The following PHKB variants were observed in gnomAD, a reference collection of about 807,000 sequenced individuals.
PHKB encodes phosphorylase b kinase regulatory subunit beta.
PHKB carries 122 observed loss-of-function variants against 152.1 expected under a neutral mutation model. The ratio of observed to expected loss-of-function variants is 0.80; its 90% CI spans 0.69 to 0.93. PHKB has a LOEUF of 0.93. Ranked by LOEUF, PHKB falls within the 40% of genes least tolerant of loss-of-function variation. PHKB has a pLI of 0.00. For missense variants in PHKB, 1,304 were observed against 1,328.4 expected (o/e 0.98, Z 0.29); for synonymous variants, 436 against 464.9 (o/e 0.94, Z 0.80).
At chr16:47,573,771 T>C (rs1971702999) in intron 7 of PHKB, among the ~76,000 whole-genome samples, 1 of 152,208 alleles carries the variant, frequency 6.6e-6, no homozygotes, top group Admixed American at 6.5e-5. Context: ...ATACCCACAG[T>C]AGATTAGATT....
intron 7 of PHKB, among the ~76,000 whole-genome samples, chr16:47,570,385 T>C (rs1052776628): frequency 3.9e-5 from 6 of 152,248 alleles, no homozygotes; most frequent in African/African-American, 7.2e-5. Flanking sequence ...TTCTAAACTT[T>C]TTGCTTTTTC....
At chr16:47,622,693 T>C (rs1428752331) in intron 14 of PHKB, among the ~76,000 whole-genome samples, 1 of 152,204 alleles carries the variant, frequency 6.6e-6, no homozygotes, top group East Asian at 1.9e-4. Context: ...ACTTTGACAG[T>C]CTTTGGAGAA....
At chr16:47,539,064 T>C (rs1971003755) in intron 6 of PHKB, among the ~76,000 whole-genome samples, 2 of 152,188 alleles carry the variant, frequency 1.3e-5, no homozygotes, top group African/African-American at 4.8e-5. Flanking sequence ...GTAGCCCACA[T>C]AAGAAATTGT....
chr16:47,659,633 G>C (rs935439028), intron 20 of PHKB, among the ~76,000 whole-genome samples: 1 of 152,010 alleles, frequency 6.6e-6, no homozygotes, highest in African/African-American at 2.4e-5. Flanking sequence ...GAAACTTATG[G>C]AAAATAAAAT....
intron 1 of PHKB, among the ~76,000 whole-genome samples, chr16:47,494,233 A>G (rs1970196491): frequency 6.6e-6 from 1 of 152,184 alleles, no homozygotes; most frequent in Admixed American, 6.5e-5. Flanking sequence ...CGAAAATGTG[A>G]TTCATTATAG....
intron 7 of PHKB, among the ~76,000 whole-genome samples, chr16:47,576,522 T>C (rs1326679152): frequency 1.3e-5 from 2 of 152,210 alleles, no homozygotes; most frequent in Non-Finnish European, 2.9e-5. Flanking sequence ...TGGTTTTCTG[T>C]CTAGTTGTTC....
chr16:47,509,509 A>G (rs1267434210), intron 4 of PHKB, among the ~76,000 whole-genome samples: 1 of 152,200 alleles, frequency 6.6e-6, no homozygotes, highest in Non-Finnish European at 1.5e-5. Flanking sequence ...AGAACTTTTT[A>G]TGAGCATACA....
chr16:47,641,765 GACA>G (rs1973027348), intron 16 of PHKB, 73 bp downstream of exon 16: 3 of 832,054 alleles, frequency 3.6e-6, no homozygotes, highest in Non-Finnish European at 6.4e-6. Flanking sequence ...TTAGTTTACA[GACA>G]AGTCACACAG....
At chr16:47,595,671 A>G (rs1031710015) in intron 12 of PHKB, among the ~76,000 whole-genome samples, 2 of 152,196 alleles carry the variant, frequency 1.3e-5, no homozygotes, top group Admixed American at 1.3e-4. Context: ...GAATAATCCT[A>G]TTAAAAATAG....
intron 8 of PHKB, among the ~76,000 whole-genome samples, chr16:47,581,266 C>T (rs1239040728): frequency 6.6e-6 from 1 of 152,174 alleles, no homozygotes; most frequent in African/African-American, 2.4e-5. Flanking sequence ...CCTCTCTTCT[C>T]CTTCTTACGT....
intron 7 of PHKB, chr16:47,566,894 G>T: frequency 1.5e-6 from 1 of 666,246 alleles, no homozygotes; most frequent in Non-Finnish European, 2.8e-6. Flanking sequence ...CTTAGTTCTT[G>T]AAGGTCAATA....
chr16:47,684,253 A>T (rs912744909), intron 26 of PHKB, among the ~76,000 whole-genome samples: 2 of 151,866 alleles, frequency 1.3e-5, no homozygotes, highest in Admixed American at 1.3e-4. Flanking sequence ...GGATTGCTTG[A>T]GGTGGACATT....
chr16:47,482,088 G>T (rs1483534192), intron 1 of PHKB, among the ~76,000 whole-genome samples: 2 of 152,172 alleles, frequency 1.3e-5, no homozygotes, highest in Non-Finnish European at 2.9e-5. Flanking sequence ...GAAAAATGTG[G>T]CTTGGATTCC....
intron 8 of PHKB, among the ~76,000 whole-genome samples, chr16:47,585,435 C>A (rs764616668): frequency 6.6e-6 from 1 of 152,150 alleles, no homozygotes; most frequent in Non-Finnish European, 1.5e-5. Context: ...TTGAAATTTG[C>A]AGGCCTTAAA....
At chr16:47,461,317 CG>C, upstream of PHKB, 6 of 1,553,336 alleles carry the variant, frequency 3.9e-6, no homozygotes, top group East Asian at 2.3e-5. Context: ...CAGGCGGCCC[CG>C]GGGGCGGTGG....
chr16:47,501,275 T>C (rs1970320487), intron 3 of PHKB, among the ~76,000 whole-genome samples: 1 of 152,210 alleles, frequency 6.6e-6, no homozygotes, highest in Admixed American at 6.5e-5. Flanking sequence ...ATAAGACAAC[T>C]TGCCTGGACT....
intron 16 of PHKB, among the ~76,000 whole-genome samples, chr16:47,647,156 T>C (rs1259456104): frequency 6.6e-6 from 1 of 152,140 alleles, no homozygotes; most frequent in Non-Finnish European, 1.5e-5. Context: ...GTAGTTTCTC[T>C]CTTGTCGCCC....
intron 25 of PHKB, among the ~76,000 whole-genome samples, chr16:47,667,833 A>G (rs1973566249): frequency 6.6e-6 from 1 of 152,188 alleles, no homozygotes; most frequent in African/African-American, 2.4e-5. Context: ...AATCTACACA[A>G]TATCTAAAGG....
chr16:47,565,946 A>G (rs1313014749), intron 7 of PHKB: 139 of 927,234 alleles, frequency 1.5e-4, no homozygotes, highest in South Asian at 4.8e-5. Context: ...CATCACGCCT[A>G]TAATCATCCC....
Sources: allele counts gnomAD v4.1 joint callset (sites outside exome capture counted in the v4.1 genomes callset), GRCh38; gene constraint gnomAD v4.1.1; transcripts MANE v1.5; gene names NCBI Gene and HGNC (gene_info 2026-07-23, HGNC 2026-07-21).